CRYBG1: variants seen among roughly 807,000 people sequenced by gnomAD.
CRYBG1 encodes the protein crystallin beta-gamma domain containing 1.
In CRYBG1, 139 loss-of-function variants were observed where a neutral mutation model predicts 189.2. The observed-to-expected ratio is 0.73, with a 90% CI of 0.64 to 0.85. The LOEUF (loss-of-function observed/expected upper bound fraction) is 0.85. CRYBG1 is among the 40% of genes least tolerant of loss of function. CRYBG1 has a pLI of 0.00. For missense variants in CRYBG1, 2,611 were observed against 2,675.8 expected (o/e 0.98, Z 0.53); for synonymous variants, 1,023 against 1,017.1 (o/e 1.01, Z -0.11).
chr6:106,431,185 T>C (rs567217215), intron 1 of CRYBG1, among the ~76,000 whole-genome samples: 2 of 152,254 alleles, frequency 1.3e-5, no homozygotes, highest in Admixed American at 1.3e-4. Flanking sequence ...TGGAGGCAAG[T>C]TACCACAGCC....
At chr6:106,559,212 C>T (rs560833117) in intron 18 of CRYBG1, among the ~76,000 whole-genome samples, 2 of 152,214 alleles carry the variant, frequency 1.3e-5, no homozygotes, top group East Asian at 1.9e-4. Context: ...TTACTTATCC[C>T]TTTAAAAAAG....
intron 18 of CRYBG1, among the ~76,000 whole-genome samples, chr6:106,559,658 C>T (rs1192378023): frequency 6.6e-6 from 1 of 151,870 alleles, no homozygotes; most frequent in African/African-American, 2.4e-5. Flanking sequence ...GGTGGTGGGG[C>T]CCCTGTAATC....
chr6:106,485,778 T>A (rs925433593), intron 2 of CRYBG1, among the ~76,000 whole-genome samples: 3 of 152,224 alleles, frequency 2.0e-5, no homozygotes, highest in African/African-American at 7.2e-5. Flanking sequence ...CATTTATTGA[T>A]TTGTGTATGT....
chr6:106,532,256 G>T (rs552929116), intron 8 of CRYBG1, among the ~76,000 whole-genome samples: 2 of 152,238 alleles, frequency 1.3e-5, no homozygotes, highest in South Asian at 4.1e-4. Context: ...TAGAACACCA[G>T]AACTTATTCT....
chr6:106,511,531 A>T lies in CRYBG1; in HGVS notation c.414A>T (p.Leu138Phe). 1 of 1,535,770 alleles carries T rather than the reference A, an allele frequency of 6.5e-7. No homozygotes were observed. The highest frequency in any genetic ancestry group is 8.7e-7 in the Non-Finnish European group (1 of 1,146,598). ...AGRRRNSRNG[L>F]ESPTRSNAKP... is the part of the protein sequence containing the mutation. ...GGAGAAGAAACAGTAGAAACGGGTTAGAGAGTCCCACCAGATCAAATGCCA... is the reference window on the plus strand; with the variant it reads ...GGAGAAGAAACAGTAGAAACGGGTTTGAGAGTCCCACCAGATCAAATGCCA... Residue 138 changes from leucine to phenylalanine, a missense_variant, in exon 3 of 22, where the codon TTA becomes TTT. By Grantham distance (22) the Leu-to-Phe change is conservative. Coordinates refer to ENST00000633556, the MANE Select transcript of CRYBG1 (RefSeq NM_001371242.2).
At chr6:106,422,583 T>TC (rs5878885) in intron 1 of CRYBG1, among the ~76,000 whole-genome samples, 109,404 of 151,818 alleles carry the variant, frequency 0.72, 40,411 homozygotes, top group African/African-American at 0.89. Context: ...TCCACCCCCC[T>TC]CCCAGCCTCC....
chr6:106,497,659 T>C (rs1207340078), intron 2 of CRYBG1, among the ~76,000 whole-genome samples: 2 of 152,244 alleles, frequency 1.3e-5, no homozygotes, highest in Non-Finnish European at 2.9e-5. Flanking sequence ...TTACTAGGCA[T>C]CTTCTAGTCC....
intron 1 of CRYBG1, among the ~76,000 whole-genome samples, chr6:106,424,724 A>C (rs1368783679): frequency 1.3e-5 from 2 of 152,082 alleles, no homozygotes; most frequent in Non-Finnish European, 2.9e-5. Context: ...AGCCTCCCAA[A>C]GTGCTGAGAT....
chr6:106,409,958 C>T (rs1036215886), intron 1 of CRYBG1, among the ~76,000 whole-genome samples: 78 of 152,254 alleles, frequency 5.1e-4, no homozygotes, highest in African/African-American at 1.9e-3. Context: ...GGGACATAGG[C>T]ATGGGCAAAG....
intron 2 of CRYBG1, among the ~76,000 whole-genome samples, chr6:106,504,529 G>C (rs1773086860): frequency 1.3e-5 from 2 of 152,014 alleles, no homozygotes; most frequent in Non-Finnish European, 2.9e-5. Context: ...ATACTCTTAG[G>C]TAACTGAATC....
rs139181726 is a variant in CRYBG1 at position 106,400,825 on chromosome 6, G to A, written c.173+39744G>A. Among the ~76,000 whole-genome samples, 366 of 152,316 alleles carry A rather than the reference G, an allele frequency of 2.4e-3. 2 individuals carry two copies. The highest frequency in any genetic ancestry group is 8.4e-3 in the African/African-American group (351 of 41,556). On this transcript the variant is annotated intron_variant, in intron 1 of 21. Transcript: ENST00000633556. Reference sequence around the variant, plus strand: ...AGGGTGATCAGTTCTTTAAAGGAAAGTCAGAGGTTTCACAAAAGACACATG... The same window carrying A: ...AGGGTGATCAGTTCTTTAAAGGAAAATCAGAGGTTTCACAAAAGACACATG...
At chr6:106,516,579 T>C (rs1177684827) in intron 3 of CRYBG1, among the ~76,000 whole-genome samples, 2 of 152,200 alleles carry the variant, frequency 1.3e-5, no homozygotes, top group African/African-American at 4.8e-5. Context: ...AGAGGCAGTA[T>C]GGGATTTCAG....
chr6:106,529,044 C>A (rs1773816680), intron 7 of CRYBG1, among the ~76,000 whole-genome samples: 1 of 151,578 alleles, frequency 6.6e-6, no homozygotes. Context: ...CCCAGGGGTT[C>A]AAGTGATCCT....
At chr6:106,458,712 C>G (rs761166923) in intron 2 of CRYBG1, among the ~76,000 whole-genome samples, 11 of 152,130 alleles carry the variant, frequency 7.2e-5, no homozygotes, top group Non-Finnish European at 1.2e-4. Context: ...TCACCAAATA[C>G]AAACACATAA....
Position 106,558,366 on chromosome 6 carries a change from T to C in CRYBG1, c.5716-120T>C, listed in dbSNP as rs540400431. 120 of 807,310 alleles carry C rather than the reference T, an allele frequency of 1.5e-4. No individual in the cohort carries two copies. The African/African-American group carries it at 2.0e-3, about 14-fold the overall frequency. 50.0% of individuals were successfully genotyped at this position (807,310 alleles called of 1,614,324 possible). ...TCCAGGCTCCCTTGGAAAAGGAGTT[T>C]ATGGAAAGGCCAAATCTAGCAGATT... On this transcript the variant is annotated intron_variant, in intron 17 of 21. Transcript: ENST00000633556.
At chr6:106,384,066 A>G (rs1195846436) in intron 1 of CRYBG1, among the ~76,000 whole-genome samples, 1 of 152,220 alleles carries the variant, frequency 6.6e-6, no homozygotes, top group Non-Finnish European at 1.5e-5. Context: ...TGAACTCAGC[A>G]CAGCACATCA....
intron 1 of CRYBG1, among the ~76,000 whole-genome samples, chr6:106,363,100 C>A (rs1203558300): frequency 6.6e-6 from 1 of 150,972 alleles, no homozygotes; most frequent in Admixed American, 6.6e-5. Context: ...AAAAATTAGC[C>A]GGGCATGGTG....
chr6:106,443,020 A>G (rs1366893949), intron 1 of CRYBG1, among the ~76,000 whole-genome samples: 3 of 152,224 alleles, frequency 2.0e-5, no homozygotes, highest in Non-Finnish European at 4.4e-5. Flanking sequence ...TAAAGTTAGA[A>G]TAGGTTAAAG....
intron 2 of CRYBG1, among the ~76,000 whole-genome samples, chr6:106,488,538 T>C (rs1582791408): frequency 6.6e-6 from 1 of 152,038 alleles, no homozygotes. Context: ...TAACCTTCTA[T>C]GGTGGGGTGG....
Sources: allele counts gnomAD v4.1 joint callset (sites outside exome capture counted in the v4.1 genomes callset), GRCh38; gene constraint gnomAD v4.1.1; transcripts MANE v1.5; gene names NCBI Gene and HGNC (gene_info 2026-07-23, HGNC 2026-07-21).